The following KIF1B variants were observed in gnomAD, a reference collection of about 807,000 sequenced individuals.
KIF1B encodes kinesin-like protein KIF1B.
In KIF1B, 76 loss-of-function variants were observed where a neutral mutation model predicts 241.9. The ratio of observed to expected loss-of-function variants is 0.31; its 90% CI spans 0.26 to 0.38. The LOEUF (loss-of-function observed/expected upper bound fraction) is 0.38, where lower values mean the gene tolerates loss of function less well. Among genes scored for constraint, KIF1B ranks in the 10% least tolerant of loss-of-function variants. The pLI, the probability that KIF1B is intolerant of heterozygous loss-of-function variation, is 1.00. For synonymous variants in KIF1B, 750 were observed against 796.7 expected, an observed-to-expected ratio of 0.94 and a Z score of 0.99; for missense variants, 1,622 against 2,271.4, an observed-to-expected ratio of 0.71 and a Z score of 5.81.
At chr1:10,340,876 A>G (rs1652367578) in intron 32 of KIF1B, among the ~76,000 whole-genome samples, 1 of 152,260 alleles carries the variant, frequency 6.6e-6, no homozygotes, top group African/African-American at 2.4e-5. Context: ...TCTGGTATTC[A>G]GGATATTCAC....
At chr1:10,262,928 C>CT (rs1377062378) in intron 5 of KIF1B, among the ~76,000 whole-genome samples, 1 of 152,112 alleles carries the variant, frequency 6.6e-6, no homozygotes, top group Non-Finnish European at 1.5e-5. Flanking sequence ...TACCCTGGCT[C>CT]TTTCATGAAG....
At chr1:10,342,882 C>T (rs1015945250) in intron 33 of KIF1B, among the ~76,000 whole-genome samples, 1 of 152,046 alleles carries the variant, frequency 6.6e-6, no homozygotes, top group Non-Finnish European at 1.5e-5. Flanking sequence ...ATGGTAATGA[C>T]CAGCAAGAGG....
At chr1:10,282,895 C>T (rs1229936227) in intron 15 of KIF1B, among the ~76,000 whole-genome samples, 1 of 151,320 alleles carries the variant, frequency 6.6e-6, no homozygotes, top group African/African-American at 2.5e-5. Context: ...CTGTGTAGAG[C>T]CATGCTTCTG....
intron 38 of KIF1B, among the ~76,000 whole-genome samples, chr1:10,358,279 G>A (rs1638313583): frequency 6.6e-6 from 1 of 152,118 alleles, no homozygotes; most frequent in East Asian, 1.9e-4. Context: ...AAACAGAAAT[G>A]TGAAGAGGCT....
At chr1:10,324,158 CTG>C (rs1651632122) in intron 25 of KIF1B, 96 bp downstream of exon 25, 1 of 1,155,570 alleles carries the variant, frequency 8.7e-7, no homozygotes, top group Non-Finnish European at 1.3e-6. Flanking sequence ...TCTGAGGACA[CTG>C]TTGCTTACTT....
chr1:10,339,924 G>C, intron 32 of KIF1B, 65 bp downstream of exon 32: 1 of 1,340,892 alleles, frequency 7.5e-7, no homozygotes, highest in Non-Finnish European at 1.1e-6. Context: ...CTCAGCCCGG[G>C]AAGGGTGATA....
Position 10,347,846 on chromosome 1 carries a change from A to G in KIF1B, c.3864+19A>G, listed in dbSNP as rs774581888. The G allele has an allele frequency of 6.3e-7, 1 of 1,594,920 alleles. No homozygotes were observed. Among genetic ancestry groups the G allele is most frequent in the South Asian group, 1.1e-5 (1 of 90,672 alleles). On this transcript the variant is annotated intron_variant, in intron 36 of 48. Transcript: ENST00000676179. ...TCATCAGGTACTAATGAGGGACCAA[A>G]ACAGGCATCGGAGGGAACACTGAAA...
In KIF1B at chr1:10,378,166, G is replaced by A. The variant is rs1208647917; in HGVS notation, c.*1579G>A. 6 of 602,712 alleles carry A rather than the reference G, an allele frequency of 1.0e-5. No homozygotes were observed. Among genetic ancestry groups the A allele is most frequent in the Non-Finnish European group, 1.2e-5 (4 of 338,220 alleles). 37.3% of individuals were successfully genotyped at this position (602,712 alleles called of 1,614,324 possible). ...CTGGATCCCAGGATTAAAACTAACC[G>A]TGACCACTACTCCAAACAAAACACA... On this transcript the variant is annotated 3_prime_UTR_variant, in exon 49 of 49. Coordinates refer to ENST00000676179, the MANE Select transcript of KIF1B (RefSeq NM_001365951.3).
intron 2 of KIF1B, among the ~76,000 whole-genome samples, chr1:10,254,605 G>A (rs960659055): frequency 2.0e-5 from 3 of 151,998 alleles, no homozygotes; most frequent in Non-Finnish European, 4.4e-5. Context: ...GGCCAGGCGC[G>A]GTGGCTCACG....
chr1:10,366,031 G>A (rs1638561417), intron 43 of KIF1B, among the ~76,000 whole-genome samples: 1 of 152,116 alleles, frequency 6.6e-6, no homozygotes, highest in South Asian at 2.1e-4. Flanking sequence ...TGGAGTTCGA[G>A]ACCAGCCTGG....
chr1:10,284,362 C>T (rs114973958), intron 15 of KIF1B, among the ~76,000 whole-genome samples: 2,848 of 152,132 alleles, frequency 0.019, 38 homozygotes, highest in Non-Finnish European at 0.028. Flanking sequence ...CCCGCTTGGC[C>T]AACAGTGAAA....
At chr1:10,267,105 C>T (rs1368378748) in intron 5 of KIF1B, among the ~76,000 whole-genome samples, 1 of 151,998 alleles carries the variant, frequency 6.6e-6, no homozygotes, top group Admixed American at 6.6e-5. Context: ...CTAACCTCCA[C>T]CTCCCAGGTA....
At chr1:10,238,300 G>C (rs1647084346) in intron 2 of KIF1B, among the ~76,000 whole-genome samples, 1 of 147,152 alleles carries the variant, frequency 6.8e-6, no homozygotes, top group African/African-American at 2.5e-5. Context: ...AGAATAACTT[G>C]AATCTGGGAG....
rs75046215 is a variant in KIF1B, at chr1:10,375,180, C to T, written c.5290-75C>T. ...ACTTCCTTTGTGAAGTGCTATATGC[C>T]TTGGGAATATGGCAAGGCAGTCCCC... On this transcript the variant is annotated intron_variant, in intron 47 of 48. Coordinates refer to ENST00000676179, the MANE Select transcript of KIF1B (RefSeq NM_001365951.3). 1,269 of 1,479,228 alleles carry T rather than the reference C, an allele frequency of 8.6e-4. 19 individuals are homozygous for T. The East Asian group carries it at 0.024, about 28-fold the overall frequency. 91.6% of individuals were successfully genotyped at this position (1,479,228 alleles called of 1,614,324 possible). A position where few individuals can be genotyped will look rare whatever the true frequency, so the allele number is the denominator to read the frequency against.
chr1:10,279,645 T>C (rs568518117), intron 14 of KIF1B, among the ~76,000 whole-genome samples: 10 of 152,086 alleles, frequency 6.6e-5, no homozygotes, highest in African/African-American at 2.4e-4. Flanking sequence ...AAGTTGCTTT[T>C]CTCCATAACT....
chr1:10,314,646 C>T (rs1651224430), intron 22 of KIF1B, among the ~76,000 whole-genome samples: 2 of 151,216 alleles, frequency 1.3e-5, no homozygotes, highest in Admixed American at 6.6e-5. Flanking sequence ...TCTCAAACTC[C>T]TGAGCTCAAG....
intron 15 of KIF1B, 145 bp from the exon 16 acceptor site, chr1:10,290,937 T>C (rs1195410254): frequency 4.7e-6 from 3 of 637,756 alleles, no homozygotes; most frequent in East Asian, 2.9e-5. Flanking sequence ...ATGATTCTTA[T>C]CTTATGTATT....
At chr1:10,291,935 T>C in intron 16 of KIF1B, 112 bp from the exon 17 acceptor site, 1 of 839,756 alleles carries the variant, frequency 1.2e-6, no homozygotes, top group East Asian at 2.4e-5. Flanking sequence ...CATTATTGGC[T>C]ATAAACATGG....
intron 23 of KIF1B, 135 bp from the exon 24 acceptor site, chr1:10,321,572 TAA>T (rs1557712808): frequency 7.9e-6 from 7 of 884,000 alleles, no homozygotes; most frequent in Non-Finnish European, 1.3e-5. Flanking sequence ...TAAGCTTTAC[TAA>T]AAAGAAACAA....
Sources: allele counts gnomAD v4.1 joint callset (sites outside exome capture counted in the v4.1 genomes callset), GRCh38; gene constraint gnomAD v4.1.1; transcripts MANE v1.5; gene names NCBI Gene and HGNC (gene_info 2026-07-23, HGNC 2026-07-21).